The following INHBE variants were observed in gnomAD, a reference collection of about 807,000 sequenced individuals.
INHBE encodes inhibin beta E chain.
A neutral mutation model predicts 27.8 loss-of-function variants in INHBE; 19 were observed. The observed-to-expected ratio is 0.68, with a 90% confidence interval of 0.48 to 1.00. The LOEUF (loss-of-function observed/expected upper bound fraction) is 1.00. Ranked by LOEUF, INHBE falls within the 50% of genes least tolerant of loss-of-function variation. The probability of loss-of-function intolerance (pLI) is 0.00; values close to 1 mark genes in which losing one functional copy is unlikely to be tolerated. For synonymous variants in INHBE, 196 were observed against 187.2 expected, an observed-to-expected ratio of 1.05 and a Z score of -0.38; for missense variants, 398 against 433.9, an observed-to-expected ratio of 0.92 and a Z score of 0.73.
Position 57,457,801 on chromosome 12 carries a change from G to A in INHBE, c.*953G>A, listed in dbSNP as rs1870872993. ...GTGAGTCATAAAGAAGGGTTAGGGTGATGGTCCAGAGCAACAGTTCTTCAA... is the reference window on the plus strand; with the variant it reads ...GTGAGTCATAAAGAAGGGTTAGGGTAATGGTCCAGAGCAACAGTTCTTCAA... On this transcript the variant is annotated 3_prime_UTR_variant, in exon 2 of 2. Coordinates refer to ENST00000266646, the MANE Select transcript of INHBE (RefSeq NM_031479.5). 2 of 152,238 alleles carry A rather than the reference G, an allele frequency of 1.3e-5. No individual in the cohort carries two copies. The highest frequency in any genetic ancestry group is 4.8e-5 in the African/African-American group (2 of 41,454). The allele number at this position is 152,238 out of a possible 1,614,324, so 9.4% of individuals were successfully genotyped here.
Position 57,456,309 on chromosome 12 carries a change from A to G in INHBE, c.514A>G (p.Thr172Ala). The stretch of plus-strand genomic sequence containing the variant: ...CACCAACCTGGGCTGGCATACCTTA[A>G]CTCTGCCCTCTAGTGGCTTGAGGGG... ...HITNLGWHTL[T>A]LPSSGLRGEK... Residue 172 changes from threonine to alanine, a missense_variant, in exon 2 of 2, where the codon ACT becomes GCT. Physicochemically the swap from Thr to Ala is moderately conservative, Grantham distance 58 (BLOSUM62 0). Coordinates refer to ENST00000266646, the MANE Select transcript of INHBE (RefSeq NM_031479.5). The G allele has an allele frequency of 1.2e-6, 2 of 1,613,786 alleles. No homozygotes were observed. The highest frequency in any genetic ancestry group is 4.5e-5 in the East Asian group (2 of 44,860).
chr12:57,455,969 C>T, intron 1 of INHBE, 125 bp from the exon 2 acceptor site: 1 of 1,386,660 alleles, frequency 7.2e-7, no homozygotes. Context: ...TTGCAGAGGA[C>T]ACAAAGCAGT....
Position 57,456,636 on chromosome 12 carries a change from C to T in INHBE, c.841C>T (p.Pro281Ser), listed in dbSNP as rs1870841941. Residue 281 changes from proline to serine, a missense_variant, in exon 2 of 2, where the codon CCT becomes TCT. Physicochemically the swap from Pro to Ser is moderately conservative, Grantham distance 74 (BLOSUM62 -1). Coordinates refer to ENST00000266646, the MANE Select transcript of INHBE (RefSeq NM_031479.5). ...YQLNYCSGQC[P>S]PHLAGSPGIA... ...GCTGAATTACTGCAGTGGGCAGTGC[C>T]CTCCCCACCTGGCTGGCAGCCCAGG... 1.2e-6 allele frequency: 2 copies of T among 1,614,136 alleles called. No homozygotes were observed. The highest frequency in any genetic ancestry group is 1.7e-6 in the Non-Finnish European group (2 of 1,180,010).
rs1870804749 is a variant in INHBE at position 57,455,545 on chromosome 12, C to A, written c.9C>A (p.Leu3=). ...GGCCATTCACCAGGAGCATGCGGCT[C>A]CCTGATGTCCAGCTCTGGCTGGTGC... MR[L]PDVQLWLVLL... Residue 3 remains leucine (L), a synonymous_variant, in exon 1 of 2, where the codon CTC becomes CTA. Coordinates refer to ENST00000266646, the MANE Select transcript of INHBE (RefSeq NM_031479.5). The A allele has an allele frequency of 6.2e-7, 1 of 1,606,626 alleles. No homozygotes were observed. The highest frequency in any genetic ancestry group is 2.2e-5 in the East Asian group (1 of 44,714).
At chr12:57,456,004 G>C (rs1047645947) in intron 1 of INHBE, 90 bp from the exon 2 acceptor site, 67 of 1,484,430 alleles carry the variant, frequency 4.5e-5, no homozygotes, top group Non-Finnish European at 6.0e-5. Flanking sequence ...AGGTAGGTTC[G>C]AGGGAGAGCA....
In INHBE at chr12:57,457,133, G is replaced by C; in HGVS notation, c.*285G>C. The C allele has an allele frequency of 2.9e-6, 1 of 347,844 alleles. No homozygotes were observed. The allele number at this position is 347,844 out of a possible 1,614,324, so 21.5% of individuals were successfully genotyped here. A position where few individuals can be genotyped will look rare whatever the true frequency, so the allele number is the denominator to read the frequency against. ...CCCTAAGTCCTGTGAGAAGATGTCAGGGACTAGGGAGGGAGGGAGGGAAGG... is the reference window on the plus strand; with the variant it reads ...CCCTAAGTCCTGTGAGAAGATGTCACGGACTAGGGAGGGAGGGAGGGAAGG... On this transcript the variant is annotated 3_prime_UTR_variant, in exon 2 of 2. Coordinates refer to ENST00000266646, the MANE Select transcript of INHBE (RefSeq NM_031479.5).
At position 57,455,459 on chromosome 12, in the gene INHBE, T is replaced by C. The variant is rs1870801861; in HGVS notation, c.-78T>C. 22 of 1,435,654 alleles carry C rather than the reference T, an allele frequency of 1.5e-5. No homozygotes were observed. The highest frequency in any genetic ancestry group is 2.1e-5 in the Non-Finnish European group (22 of 1,054,170). 88.9% of individuals were successfully genotyped at this position (1,435,654 alleles called of 1,614,324 possible). On this transcript the variant is annotated 5_prime_UTR_variant, in exon 1 of 2. Transcript: ENST00000266646. Reference sequence around the variant, plus strand: ...GGTGTCTGCTGTCACTGTGCCCTCATTGGCCCCCAGCAATCAGACTCAACA... The same window carrying C: ...GGTGTCTGCTGTCACTGTGCCCTCACTGGCCCCCAGCAATCAGACTCAACA...
At chr12:57,455,878 G>T in intron 1 of INHBE, 44 bp downstream of exon 1, 1 of 1,580,858 alleles carries the variant, frequency 6.3e-7, no homozygotes, top group Non-Finnish European at 8.7e-7. Context: ...GACAGGGAAA[G>T]GGAGGCAGAA....
chr12:57,456,810 G>A lies in INHBE; in HGVS notation c.1015G>A (p.Val339Met), dbSNP rs1336572010. The part of the protein sequence containing the change: ...DHNGNVVKTD[V>M]PDMVVEACGC... ...TAATGGCAATGTGGTCAAGACGGAT[G>A]TGCCAGATATGGTGGTGGAGGCCTG... The change falls in exon 2 of 2, where the codon GTG becomes ATG. Residue 339 changes from valine (V) to methionine (M), a missense_variant. Physicochemically the swap from Val to Met is conservative, Grantham distance 21. Coordinates refer to ENST00000266646, the MANE Select transcript of INHBE (RefSeq NM_031479.5). 1 of 1,614,078 alleles carries A rather than the reference G, an allele frequency of 6.2e-7. No individual in the cohort carries two copies. Among genetic ancestry groups the A allele is most frequent in the Non-Finnish European group, 8.5e-7 (1 of 1,179,962 alleles).
In INHBE at chr12:57,456,129, C is replaced by G. The variant is rs1394079242; in HGVS notation, c.334C>G (p.His112Asp). The G allele has an allele frequency of 2.5e-6, 4 of 1,613,526 alleles. No individual in the cohort carries two copies. The highest frequency in any genetic ancestry group is 3.3e-5 in the Admixed American group (2 of 59,980). Residue 112 changes from histidine to aspartate, a missense_variant, in exon 2 of 2, where the codon CAC (histidine) becomes GAC (aspartate). Physicochemically the swap from His to Asp is moderately conservative, Grantham distance 81. Coordinates refer to ENST00000266646, the MANE Select transcript of INHBE (RefSeq NM_031479.5). ...TSAYSSLLTFHLSTPRSHHLY... is the reference protein window; with the variant it reads ...TSAYSSLLTFDLSTPRSHHLY... ...AGCCTACAGCTCCCTGCTCACTTTT[C>G]ACCTGTCCACTCCTCGGTCCCACCA...
Position 57,456,254 on chromosome 12 carries a change from G to T in INHBE, c.459G>T (p.Gly153=). 6.2e-7 allele frequency: 1 copy of T among 1,614,066 alleles called. No individual in the cohort carries two copies. The highest frequency in any genetic ancestry group is 8.5e-7 in the Non-Finnish European group (1 of 1,180,016). Residue 153 remains glycine, a synonymous_variant, in exon 2 of 2, where the codon GGG becomes GGT. Coordinates refer to ENST00000266646, the MANE Select transcript of INHBE (RefSeq NM_031479.5). ...FRWGPRRRRQ[G]SRTLLAEHHI... ...GGGGACCAAGGAGGAGGCGCCAAGG[G>T]TCCCGCACTCTCCTGGCTGAGCACC...
In INHBE at chr12:57,456,223, T is replaced by A. The variant is rs371521869; in HGVS notation, c.428T>A (p.Phe143Tyr). The A allele has an allele frequency of 4.3e-6, 7 of 1,613,950 alleles. No individual in the cohort carries two copies. In the Admixed American group the frequency reaches 1.0e-4, roughly 23 times the overall value. The change falls in exon 2 of 2, where the codon TTC becomes TAC. Residue 143 changes from phenylalanine (F) to tyrosine (Y), a missense_variant. Phe to Tyr is a conservative substitution (Grantham distance 22). Coordinates refer to ENST00000266646, the MANE Select transcript of INHBE (RefSeq NM_031479.5). Reference sequence around the variant, plus strand: ...CCTGGCACTCTTTGCTTGAGGATCTTCCGATGGGGACCAAGGAGGAGGCGC... The same window carrying A: ...CCTGGCACTCTTTGCTTGAGGATCTACCGATGGGGACCAAGGAGGAGGCGC... ...TLPGTLCLRI[F>Y]RWGPRRRRQG...
chr12:57,455,953 G>C, intron 1 of INHBE, 119 bp downstream of exon 1: 1 of 1,370,226 alleles, frequency 7.3e-7, no homozygotes, highest in Non-Finnish European at 1.0e-6. Flanking sequence ...CTGGGGCAGG[G>C]ACTGGTTGCA....
rs958626896 is a variant in INHBE at position 57,457,268 on chromosome 12, A to C, written c.*420A>C. ...TGAAGCAGGGTAAGCAGGCTGGCCC[A>C]GGGTAAGGGCTGTTGAGGTACCTTA... is the stretch of plus-strand genomic sequence containing the variant. On this transcript the variant is annotated 3_prime_UTR_variant, in exon 2 of 2. Transcript: ENST00000266646. 9 of 175,136 alleles carry C rather than the reference A, an allele frequency of 5.1e-5. No homozygotes were observed. Among genetic ancestry groups the C allele is most frequent in the East Asian group, 1.6e-4 (1 of 6,208 alleles). The allele number at this position is 175,136 out of a possible 1,614,324, so 10.8% of individuals were successfully genotyped here.
At position 57,456,932 on chromosome 12, in the gene INHBE, C is replaced by T. The variant is rs578050663; in HGVS notation, c.*84C>T. ...CATCTGTGACTGGAGGCATCAGATTCCTGATCCACACCCCAACCCAACAAC... is the reference window on the plus strand; with the variant it reads ...CATCTGTGACTGGAGGCATCAGATTTCTGATCCACACCCCAACCCAACAAC... On this transcript the variant is annotated 3_prime_UTR_variant, in exon 2 of 2. Transcript: ENST00000266646. The T allele has an allele frequency of 1.2e-5, 18 of 1,452,994 alleles. No individual in the cohort carries two copies. The allele number at this position is 1,452,994 out of a possible 1,614,324, so 90.0% of individuals were successfully genotyped here. A position where few individuals can be genotyped will look rare whatever the true frequency, so the allele number is the denominator to read the frequency against.
At position 57,456,602 on chromosome 12, in the gene INHBE, G is replaced by A. The variant is rs779157178; in HGVS notation, c.807G>A (p.Glu269=). 2.5e-5 allele frequency: 41 copies of A among 1,614,042 alleles called. No individual in the cohort carries two copies. Among genetic ancestry groups the A allele is most frequent in the Middle Eastern group, 1.6e-4 (1 of 6,084 alleles). The change falls in exon 2 of 2, where the codon GAG becomes GAA. Residue 269 remains glutamate (E), a synonymous_variant. Transcript: ENST00000266646. ...GGCGGGACTGGATACTGCAGCCCGAGGGGTACCAGCTGAATTACTGCAGTG... is the reference window on the plus strand; with the variant it reads ...GGCGGGACTGGATACTGCAGCCCGAAGGGTACCAGCTGAATTACTGCAGTG... ...LGWRDWILQP[E]GYQLNYCSGQ... is the part of the protein sequence containing the mutation.
Position 57,455,396 on chromosome 12 carries a change from AGGT to A in INHBE, c.-138_-136del. ...TCCTGAGTCCCAGACAATAGAAGAC[AGGT>A]GGCTGTACCCTTGGCCAAGGGTAGG... On this transcript the variant is annotated 5_prime_UTR_variant, in exon 1 of 2. Coordinates refer to ENST00000266646, the MANE Select transcript of INHBE (RefSeq NM_031479.5). 1 of 713,240 alleles carries A rather than the reference AGGT, an allele frequency of 1.4e-6. No individual in the cohort carries two copies. Among genetic ancestry groups the A allele is most frequent in the Non-Finnish European group, 2.4e-6 (1 of 423,972 alleles). 44.2% of individuals were successfully genotyped at this position (713,240 alleles called of 1,614,324 possible). A position where few individuals can be genotyped will look rare whatever the true frequency, so the allele number is the denominator to read the frequency against.
chr12:57,455,636 C>T lies in INHBE; in HGVS notation c.100C>T (p.Leu34=). Residue 34 remains leucine (L), a synonymous_variant, in exon 1 of 2, where the codon CTG becomes TTG. Coordinates refer to ENST00000266646, the MANE Select transcript of INHBE (RefSeq NM_031479.5). ...GTGTCCCTCCTGTGGGGGCTCCAAA[C>T]TGGCACCCCAAGCAGAACGAGCTCT... ...SVCPSCGGSK[L]APQAERALVL... is the part of the protein sequence containing the mutation. 1 of 1,614,082 alleles carries T rather than the reference C, an allele frequency of 6.2e-7. No individual in the cohort carries two copies. The highest frequency in any genetic ancestry group is 8.5e-7 in the Non-Finnish European group (1 of 1,179,998).
chr12:57,455,859 C>T, intron 1 of INHBE, 25 bp downstream of exon 1: 1 of 1,603,626 alleles, frequency 6.2e-7, no homozygotes, highest in Non-Finnish European at 8.5e-7. Flanking sequence ...GAGCAACAGG[C>T]AAAGAGCAGA....
Sources: gnomAD v4.1 joint callset for allele counts on GRCh38, gnomAD v4.1.1 for gene constraint, MANE v1.5 for transcripts, NCBI Gene and HGNC (gene_info 2026-07-23, HGNC 2026-07-21) for gene names.